Variants in RNF19B observed in about 807,000 individuals in gnomAD.
The protein encoded by RNF19B is E3 ubiquitin-protein ligase RNF19B.
A neutral mutation model predicts 65.5 loss-of-function variants in RNF19B; 23 were observed. That is an observed-to-expected ratio of 0.35 (90% CI 0.25 to 0.50). The LOEUF (loss-of-function observed/expected upper bound fraction) is 0.50. RNF19B is among the 20% of genes least tolerant of loss of function. RNF19B has a pLI of 0.98. For synonymous variants in RNF19B, 372 were observed against 379.6 expected, an observed-to-expected ratio of 0.98 and a Z score of 0.23; for missense variants, 794 against 980.0, an observed-to-expected ratio of 0.81 and a Z score of 2.53.
At chr1:32,948,200 A>T in intron 3 of RNF19B, 22 bp downstream of exon 3, 1 of 1,612,244 alleles carries the variant, frequency 6.2e-7, no homozygotes, top group South Asian at 1.1e-5. Flanking sequence ...TACGAAAGGA[A>T]TGGATGCATT....
chr1:32,950,044 A>C (rs2124151785), intron 1 of RNF19B, among the ~76,000 whole-genome samples: 1 of 151,916 alleles, frequency 6.6e-6, no homozygotes, highest in Middle Eastern at 3.4e-3. Context: ...ATCTCGGCTT[A>C]CTACAACCTC....
intron 7 of RNF19B, among the ~76,000 whole-genome samples, chr1:32,938,925 C>T (rs1183601474): frequency 6.6e-6 from 1 of 152,224 alleles, no homozygotes; most frequent in Non-Finnish European, 1.5e-5. Context: ...TCTTCCTGAT[C>T]TGCCAGGAAG....
chr1:32,953,963 C>T (rs1270447687), intron 1 of RNF19B, among the ~76,000 whole-genome samples: 1 of 134,080 alleles, frequency 7.5e-6, no homozygotes, highest in Admixed American at 8.7e-5. Context: ...GGCTGGAGTG[C>T]AATGGCGTGC....
chr1:32,945,353 T>TG (rs941355715), intron 5 of RNF19B, among the ~76,000 whole-genome samples, 161 bp downstream of exon 5: 7 of 152,208 alleles, frequency 4.6e-5, no homozygotes, highest in African/African-American at 1.7e-4. Flanking sequence ...TTGGTGTGCT[T>TG]GAAAAACTTA....
chr1:32,952,118 TA>T (rs1642514698), intron 1 of RNF19B, among the ~76,000 whole-genome samples: 1 of 151,908 alleles, frequency 6.6e-6, no homozygotes. Context: ...ATTCTTCATG[TA>T]AAGATTCAGA....
intron 3 of RNF19B, among the ~76,000 whole-genome samples, chr1:32,946,785 A>G (rs1036457079): frequency 2.6e-5 from 4 of 152,152 alleles, no homozygotes; most frequent in Non-Finnish European, 4.4e-5. Context: ...AGGCTTCCAG[A>G]CTTGAAATTC....
Position 32,964,697 on chromosome 1 carries a change from G to A in RNF19B, c.-12C>T. The A allele has an allele frequency of 4.8e-6, 7 of 1,450,202 alleles. No individual in the cohort carries two copies. Among genetic ancestry groups the A allele is most frequent in the African/African-American group, 1.5e-5 (1 of 67,236 alleles). 89.8% of individuals were successfully genotyped at this position (1,450,202 alleles called of 1,614,324 possible). ...TTCTCGGAGCCCATGGCCGGCAGAGGCCGAGGAGCCAGGGGCGCCCAGCGC... is the reference window on the plus strand; with the variant it reads ...TTCTCGGAGCCCATGGCCGGCAGAGACCGAGGAGCCAGGGGCGCCCAGCGC... On this transcript the variant is annotated 5_prime_UTR_variant, in exon 1 of 9. Coordinates refer to ENST00000235150, the MANE Select transcript of RNF19B (RefSeq NM_001300826.2). This position sits in a 1 kb window ranked among gnomAD's most constrained non-coding sequence, Gnocchi z 6.5.
intron 1 of RNF19B, among the ~76,000 whole-genome samples, chr1:32,960,986 A>T (rs1642757368): frequency 6.6e-6 from 1 of 151,526 alleles, no homozygotes; most frequent in Non-Finnish European, 1.5e-5. Context: ...GCTGCACTCC[A>T]GCTTGGGTGA....
chr1:32,952,962 A>ATT (rs71278768), intron 1 of RNF19B, among the ~76,000 whole-genome samples: 1,633 of 119,982 alleles, frequency 0.014, 47 homozygotes, highest in African/African-American at 0.026. Flanking sequence ...TAATCACACA[A>ATT]TTTTTTTTTT....
At chr1:32,943,455 A>T (rs1369944834) in intron 6 of RNF19B, among the ~76,000 whole-genome samples, 1 of 145,166 alleles carries the variant, frequency 6.9e-6, no homozygotes, top group Non-Finnish European at 1.5e-5. Context: ...CGTCTATACT[A>T]AAAAAAAAAA....
chr1:32,955,133 T>C (rs1455018414), intron 1 of RNF19B, among the ~76,000 whole-genome samples: 1 of 152,082 alleles, frequency 6.6e-6, no homozygotes, highest in Non-Finnish European at 1.5e-5. Context: ...ACACTGGACT[T>C]AAGGAGACAT....
chr1:32,961,541 G>A (rs961797862), intron 1 of RNF19B, among the ~76,000 whole-genome samples: 1 of 151,930 alleles, frequency 6.6e-6, no homozygotes, highest in Admixed American at 6.6e-5. Flanking sequence ...AGGTTGTATC[G>A]AATTAAATTA....
downstream of RNF19B, among the ~76,000 whole-genome samples, chr1:32,933,030 T>C (rs1642045050): frequency 6.6e-6 from 1 of 152,200 alleles, no homozygotes; most frequent in Non-Finnish European, 1.5e-5. Flanking sequence ...AGTAGCACTA[T>C]CTACCACTCT....
At chr1:32,947,504 C>T (rs577718215) in intron 3 of RNF19B, among the ~76,000 whole-genome samples, 1 of 152,022 alleles carries the variant, frequency 6.6e-6, no homozygotes, top group Non-Finnish European at 1.5e-5. Context: ...ACTAAAAATA[C>T]AAAAATTAGC....
intron 6 of RNF19B, 68 bp downstream of exon 6, chr1:32,943,951 G>T: frequency 6.8e-7 from 1 of 1,468,006 alleles, no homozygotes; most frequent in Non-Finnish European, 9.3e-7. Context: ...TGTAAAATGC[G>T]CTGAATTTTA....
chr1:32,939,026 T>C (rs549867181), intron 7 of RNF19B, among the ~76,000 whole-genome samples: 6 of 152,298 alleles, frequency 3.9e-5, no homozygotes, highest in African/African-American at 1.4e-4. Context: ...ATTTTATACT[T>C]CCATGACTTT....
intron 8 of RNF19B, among the ~76,000 whole-genome samples, chr1:32,937,571 T>C (rs1489059906): frequency 6.6e-6 from 1 of 151,980 alleles, no homozygotes; most frequent in Non-Finnish European, 1.5e-5. Flanking sequence ...TAGCTGGGCA[T>C]GGAGGCACGT....
At position 32,948,360 on chromosome 1, in the gene RNF19B, T is replaced by A. The variant is rs1479132329; in HGVS notation, c.845A>T (p.Asp282Val). The change falls in exon 3 of 9, where the codon GAC becomes GTC. Residue 282 changes from aspartate to valine, a missense_variant. By Grantham distance (152) the Asp-to-Val change is radical. Around this residue, in one of 3 missense-constraint regions of RNF19B, gnomAD observed 374 missense variants for 423.8 expected, o/e 0.88. Coordinates refer to ENST00000235150, the MANE Select transcript of RNF19B (RefSeq NM_001300826.2). ...ACTGCATCGTGGGCATGGCTTGATG[T>A]CATCTGCTATGAGTGGGGGAAGAAT... is the stretch of plus-strand genomic sequence containing the variant. The part of the protein sequence containing the change: ...LSYGQESGPD[D>V]IKPCPRCSAY... 6.2e-6 allele frequency: 10 copies of A among 1,612,526 alleles called. No individual in the cohort carries two copies. Among genetic ancestry groups the A allele is most frequent in the Non-Finnish European group, 8.5e-6 (10 of 1,179,104 alleles).
chr1:32,952,176 T>C (rs1185645785), intron 1 of RNF19B, among the ~76,000 whole-genome samples: 2 of 152,002 alleles, frequency 1.3e-5, no homozygotes, highest in South Asian at 4.1e-4. Context: ...CATGTTCATT[T>C]ACCAAGAATT....
Sources: allele counts gnomAD v4.1 joint callset (sites outside exome capture counted in the v4.1 genomes callset), GRCh38; gene constraint gnomAD v4.1.1; regional missense constraint gnomAD v4.1.1; non-coding constraint Gnocchi (gnomAD v3.1); transcripts MANE v1.5; gene names NCBI Gene and HGNC (gene_info 2026-07-23, HGNC 2026-07-21).